CNTN4: variants seen among roughly 807,000 people sequenced by gnomAD.
The protein encoded by CNTN4 is contactin-4.
CNTN4 carries 77 observed loss-of-function variants against 122.5 expected under a neutral mutation model. The ratio of observed to expected loss-of-function variants is 0.63; its 90% CI spans 0.52 to 0.76. The LOEUF is 0.76. Among genes scored for constraint, CNTN4 ranks in the 30% least tolerant of loss-of-function variants. The probability of loss-of-function intolerance (pLI) is 0.00; values close to 1 mark genes in which losing one functional copy is unlikely to be tolerated. For synonymous variants in CNTN4, 512 were observed against 447.0 expected (o/e 1.15, Z -1.83); for missense variants, 1,256 against 1,259.1 (o/e 1.00, Z 0.04).
At chr3:2,742,198 T>TC (rs11430903) in intron 5 of CNTN4, among the ~76,000 whole-genome samples, 129,782 of 151,576 alleles carry the variant, frequency 0.86, 55,659 homozygotes, top group Admixed American at 0.9. Flanking sequence ...CACTAGGTTC[T>TC]CTCCTCAGAC....
chr3:2,340,273 ATAATC>A (rs1190034375), intron 3 of CNTN4, among the ~76,000 whole-genome samples: 1 of 152,146 alleles, frequency 6.6e-6, no homozygotes, highest in Admixed American at 6.5e-5. Context: ...TTATGGGAAA[ATAATC>A]ATAACATGGA....
chr3:2,250,178 C>T (rs897967837), intron 2 of CNTN4, among the ~76,000 whole-genome samples: 3 of 151,850 alleles, frequency 2.0e-5, no homozygotes, highest in African/African-American at 7.2e-5. Context: ...TCTGTGTGAT[C>T]AATTACAAAT....
chr3:2,974,312 T>G (rs1208970145), intron 13 of CNTN4, among the ~76,000 whole-genome samples: 1 of 152,140 alleles, frequency 6.6e-6, no homozygotes, highest in Non-Finnish European at 1.5e-5. Context: ...TTGAAACATT[T>G]AAAAAATATT....
intron 6 of CNTN4, among the ~76,000 whole-genome samples, chr3:2,802,468 C>G (rs895892995): frequency 2.3e-4 from 35 of 152,268 alleles, no homozygotes; most frequent in African/African-American, 8.2e-4. Flanking sequence ...CACCGAGGTG[C>G]TGTCTAGTGT....
At chr3:3,010,364 A>C (rs933867272) in intron 14 of CNTN4, among the ~76,000 whole-genome samples, 2 of 151,924 alleles carry the variant, frequency 1.3e-5, no homozygotes, top group Non-Finnish European at 2.9e-5. Context: ...CTGCCAGTTT[A>C]GGATTCAGGG....
intron 4 of CNTN4, among the ~76,000 whole-genome samples, chr3:2,687,471 G>A (rs2085495953): frequency 6.6e-6 from 1 of 152,030 alleles, no homozygotes; most frequent in Admixed American, 6.6e-5. Flanking sequence ...GACCAGCCTG[G>A]GCAACATGGT....
intron 2 of CNTN4, among the ~76,000 whole-genome samples, chr3:2,187,962 C>T (rs1486253665): frequency 1.3e-5 from 2 of 151,992 alleles, no homozygotes; most frequent in African/African-American, 4.8e-5. Context: ...ACTTCTGCCA[C>T]TTGTGAAAGC....
At chr3:2,306,072 T>C (rs2042695089) in intron 2 of CNTN4, among the ~76,000 whole-genome samples, 1 of 152,202 alleles carries the variant, frequency 6.6e-6, no homozygotes, top group African/African-American at 2.4e-5. Flanking sequence ...TTTTTGTAAT[T>C]ATAAATAATG....
chr3:2,952,562 T>A (rs1178617858), intron 13 of CNTN4, among the ~76,000 whole-genome samples: 3 of 152,332 alleles, frequency 2.0e-5, no homozygotes, highest in East Asian at 1.9e-4. Flanking sequence ...AATACCTTAT[T>A]GTTTTATTAT....
intron 4 of CNTN4, among the ~76,000 whole-genome samples, chr3:2,630,625 T>C (rs1230651014): frequency 6.6e-6 from 1 of 152,110 alleles, no homozygotes; most frequent in East Asian, 1.9e-4. Context: ...CTTAATATTG[T>C]TAAATCTTCT....
chr3:2,745,417 C>T (rs2089698812), intron 5 of CNTN4, 105 bp from the exon 6 acceptor site: 1 of 993,390 alleles, frequency 1.0e-6, no homozygotes. Context: ...TTACAAAAGT[C>T]ACAAATGATT....
At chr3:2,481,952 A>G (rs946932642) in intron 3 of CNTN4, among the ~76,000 whole-genome samples, 5 of 152,150 alleles carry the variant, frequency 3.3e-5, no homozygotes, top group African/African-American at 1.2e-4. Flanking sequence ...TTCTTTATAA[A>G]ATACTCAGTC....
At position 2,702,662 on chromosome 3, in the gene CNTN4, C is replaced by A. The variant is rs114404205; in HGVS notation, c.56-33553C>A. Among the ~76,000 whole-genome samples the A allele has an allele frequency of 4.5e-3, 679 of 152,268 alleles. 3 individuals are homozygous for A. Among genetic ancestry groups the A allele is most frequent in the African/African-American group, 0.016 (654 of 41,564 alleles). ...CTAGGACATCTTTTGGGTGAGCTCC[C>A]TCCAGAAAGAAAAAGTGTTCCTGAG... On this transcript the variant is annotated intron_variant, in intron 4 of 24. Coordinates refer to ENST00000418658, the MANE Select transcript of CNTN4 (RefSeq NM_175607.3).
At chr3:2,521,338 A>C (rs2077205247) in intron 3 of CNTN4, among the ~76,000 whole-genome samples, 2 of 83,358 alleles carry the variant, frequency 2.4e-5, no homozygotes, top group Non-Finnish European at 4.6e-5. Flanking sequence ...GTGGACCTCT[A>C]CCCATCCCCC....
intron 14 of CNTN4, among the ~76,000 whole-genome samples, chr3:3,005,199 AC>A (rs1213591585): frequency 1.3e-5 from 2 of 152,188 alleles, no homozygotes; most frequent in African/African-American, 4.8e-5. Flanking sequence ...TAATCTCCTT[AC>A]CCAAAAATCA....
chr3:2,573,557 T>C (rs2079523275), intron 4 of CNTN4, among the ~76,000 whole-genome samples: 2 of 152,190 alleles, frequency 1.3e-5, no homozygotes, highest in Non-Finnish European at 2.9e-5. Flanking sequence ...TGATTTCTCA[T>C]ATTTGGCTAC....
intron 2 of CNTN4, among the ~76,000 whole-genome samples, chr3:2,269,593 A>C (rs3915041): frequency 0.53 from 80,155 of 151,754 alleles, 22,097 homozygotes; most frequent in South Asian, 0.68. Flanking sequence ...TTAAGAAATC[A>C]CTTAGGAATG....
intron 6 of CNTN4, among the ~76,000 whole-genome samples, chr3:2,808,277 T>C (rs1176153052): frequency 6.6e-6 from 1 of 152,190 alleles, no homozygotes; most frequent in Admixed American, 6.5e-5. Context: ...GACTTTATCA[T>C]GGCCTCTTGA....
chr3:2,882,682 A>T (rs1366868626), intron 8 of CNTN4: 1 of 165,944 alleles, frequency 6.0e-6, no homozygotes, highest in Non-Finnish European at 1.3e-5. Flanking sequence ...AATGAAAGTA[A>T]AAGTTGTGGC....
Sources: allele counts gnomAD v4.1 joint callset (sites outside exome capture counted in the v4.1 genomes callset), GRCh38; gene constraint gnomAD v4.1.1; transcripts MANE v1.5; gene names NCBI Gene and HGNC (gene_info 2026-07-23, HGNC 2026-07-21).